The following TRIM66 variants were observed in gnomAD, a reference collection of about 807,000 sequenced individuals.
TRIM66 encodes tripartite motif containing 66.
Under a neutral mutation model 148.2 loss-of-function variants are expected in TRIM66, and 99 were observed. The ratio of observed to expected loss-of-function variants is 0.67; its 90% confidence interval spans 0.57 to 0.79. The LOEUF (loss-of-function observed/expected upper bound fraction) is 0.79, where lower values mean the gene tolerates loss of function less well. TRIM66 is among the 30% of genes least tolerant of loss of function. The probability of loss-of-function intolerance (pLI) is 0.00; values close to 1 mark genes in which losing one functional copy is unlikely to be tolerated. For synonymous variants in TRIM66, 616 were observed against 635.9 expected (o/e 0.97, Z 0.47); for missense variants, 1,666 against 1,697.9 (o/e 0.98, Z 0.33).
intron 7 of TRIM66, among the ~76,000 whole-genome samples, chr11:8,650,602 T>C (rs974317484): frequency 1.3e-5 from 2 of 152,192 alleles, no homozygotes; most frequent in Admixed American, 1.3e-4. Flanking sequence ...GCCAAGGATC[T>C]GATCTCATGC....
rs1217246922 is a variant in TRIM66 at position 8,624,912 on chromosome 11, T to C, written c.2627A>G (p.Asp876Gly). ...SPQAMASLAS[D>G]HPQAGPSLMS... is the part of the protein sequence containing the mutation. The stretch of plus-strand genomic sequence containing the variant: ...TAGGCTGGGCCCAGCCTGAGGGTGA[T>C]CACTTGCCAGGCTTGCCATAGCCTG... The change falls in exon 16 of 25, where the codon GAT becomes GGT. Residue 876 changes from aspartate (D) to glycine (G), a missense_variant. Asp to Gly is a moderately conservative substitution (Grantham distance 94). Coordinates refer to ENST00000646038, the MANE Select transcript of TRIM66 (RefSeq NM_001388022.1). 7.1e-6 allele frequency: 11 copies of C among 1,551,556 alleles called. No homozygotes were observed. The highest frequency in any genetic ancestry group is 9.6e-6 in the Non-Finnish European group (11 of 1,146,914).
At chr11:8,620,964 C>T in intron 20 of TRIM66, 68 bp downstream of exon 20, 2 of 1,502,470 alleles carry the variant, frequency 1.3e-6, no homozygotes, top group African/African-American at 1.4e-5. Flanking sequence ...GTGGGCCTGG[C>T]CTGGAATAAT....
chr11:8,679,344 C>T (rs141394484), intron 3 of TRIM66: 291 of 152,312 alleles, frequency 1.9e-3, no homozygotes, highest in Admixed American at 3.4e-3. Context: ...ACTCCCTCTA[C>T]AACCAGATCA....
intron 6 of TRIM66, among the ~76,000 whole-genome samples, chr11:8,660,276 T>C (rs1229594408): frequency 6.6e-6 from 1 of 152,082 alleles, no homozygotes; most frequent in Admixed American, 6.5e-5. Context: ...CAAAATTAAC[T>C]CCCTCCTGTT....
rs1429907438 is a variant in TRIM66, at chr11:8,614,886, C to T, written c.*3058G>A. On this transcript the variant is annotated 3_prime_UTR_variant, in exon 25 of 25. Transcript: ENST00000646038. ...TTGCTAGAAGTCAGGCAGGGCTAAC[C>T]TAACCATGTTCTGTGGAAGAGTGCT... 6.6e-6 allele frequency: 1 copy of T among 152,204 alleles called. No individual in the cohort carries two copies. Among genetic ancestry groups the T allele is most frequent in the African/African-American group, 2.4e-5 (1 of 41,428 alleles). The allele number at this position is 152,204 out of a possible 1,614,324, so 9.4% of individuals were successfully genotyped here. A position where few individuals can be genotyped will look rare whatever the true frequency, so the allele number is the denominator to read the frequency against.
intron 6 of TRIM66, among the ~76,000 whole-genome samples, chr11:8,652,895 T>C (rs2037485817): frequency 6.6e-6 from 1 of 152,220 alleles, no homozygotes; most frequent in Non-Finnish European, 1.5e-5. Context: ...AAGTCCAAAA[T>C]ACCAGGCCTA....
chr11:8,674,576 C>A (rs1028734289), intron 4 of TRIM66, among the ~76,000 whole-genome samples: 11 of 151,864 alleles, frequency 7.2e-5, no homozygotes, highest in Admixed American at 5.9e-4. Context: ...TTGTAGAGAC[C>A]AGGTCTTGCT....
intron 18 of TRIM66, among the ~76,000 whole-genome samples, chr11:8,622,255 C>G (rs114213339): frequency 6.8e-6 from 1 of 148,020 alleles, no homozygotes; most frequent in East Asian, 2.0e-4. Context: ...CCTGTGATCA[C>G]GTAAATTAAT....
chr11:8,683,090 C>T, upstream of TRIM66: 2 of 1,181,184 alleles, frequency 1.7e-6, no homozygotes, highest in Non-Finnish European at 2.5e-6. Flanking sequence ...CTTTCCCAAA[C>T]GCTCCAGAAG....
rs2036356266 is a variant in TRIM66, at chr11:8,641,168, A to C, written c.1223-16T>G. ...GTTATGCAGCCTGAAAATGCAGAAT[A>C]GAGAGTTTTTCAAAAGTTTTTCAAG... On this transcript the variant is annotated splice_polypyrimidine_tract_variant and intron_variant, in intron 13 of 24. Coordinates refer to ENST00000646038, the MANE Select transcript of TRIM66 (RefSeq NM_001388022.1). 1 of 1,534,068 alleles carries C rather than the reference A, an allele frequency of 6.5e-7. No individual in the cohort carries two copies. Among genetic ancestry groups the C allele is most frequent in the Non-Finnish European group, 8.8e-7 (1 of 1,135,990 alleles).
upstream of TRIM66, chr11:8,683,112 A>C (rs2039520541): frequency 7.4e-7 from 1 of 1,353,066 alleles, no homozygotes; most frequent in South Asian, 1.2e-5. Context: ...TAGGTCTTTG[A>C]CCCACAGGCT....
chr11:8,628,636 A>AAAAAAAAAAAAAAAAGAGAGAGAGAG (rs1555042270), intron 15 of TRIM66, among the ~76,000 whole-genome samples: 1 of 93,398 alleles, frequency 1.1e-5, no homozygotes, highest in African/African-American at 3.5e-5. Context: ...AAAAAAAAAA[A>AAAAAAAAAAAAAAAAGAGAGAGAGAG]AGAGAGAGAA....
rs1592089963 is a variant in TRIM66 at position 8,638,963 on chromosome 11, A to T, written c.2149-148T>A. ...TGCTTAAACGTTTTCCAAAAAGAAA[A>T]ATACTCTTATCCCAACTCTTCCAAA... On this transcript the variant is annotated intron_variant, in intron 14 of 24. Coordinates refer to ENST00000646038, the MANE Select transcript of TRIM66 (RefSeq NM_001388022.1). 5 of 819,030 alleles carry T rather than the reference A, an allele frequency of 6.1e-6. No individual in the cohort carries two copies. In the East Asian group the frequency reaches 1.5e-4, roughly 25 times the overall value. 50.7% of individuals were successfully genotyped at this position (819,030 alleles called of 1,614,324 possible). A position where few individuals can be genotyped will look rare whatever the true frequency, so the allele number is the denominator to read the frequency against.
At chr11:8,670,504 A>C (rs1215421361) in intron 6 of TRIM66, among the ~76,000 whole-genome samples, 1 of 152,236 alleles carries the variant, frequency 6.6e-6, no homozygotes, top group Non-Finnish European at 1.5e-5. Flanking sequence ...CATATTTATA[A>C]ATTTAACTCA....
At chr11:8,673,454 G>C (rs560874224) in intron 4 of TRIM66, among the ~76,000 whole-genome samples, 3 of 152,292 alleles carry the variant, frequency 2.0e-5, no homozygotes, top group South Asian at 2.1e-4. Flanking sequence ...TTAATGAGCT[G>C]AGAGAGGGGC....
intron 15 of TRIM66, among the ~76,000 whole-genome samples, chr11:8,629,404 CTCT>C (rs1651252416): frequency 6.6e-6 from 1 of 152,132 alleles, no homozygotes; most frequent in African/African-American, 2.4e-5. Flanking sequence ...ATATAGATGT[CTCT>C]TCTTAGTGAG....
At chr11:8,666,331 C>T (rs1289436499) in intron 6 of TRIM66, among the ~76,000 whole-genome samples, 5 of 105,858 alleles carry the variant, frequency 4.7e-5, no homozygotes, top group Non-Finnish European at 8.8e-5. Context: ...AAGAGCAAAA[C>T]TCCGCCTCAG....
At chr11:8,649,703 G>A (rs1350081351) in intron 8 of TRIM66, 37 bp downstream of exon 8, 29 of 1,548,296 alleles carry the variant, frequency 1.9e-5, no homozygotes, top group Middle Eastern at 2.0e-4. Context: ...CCCTGCTTTA[G>A]GGCATGGGAG....
chr11:8,672,164 G>A (rs2038968949), intron 5 of TRIM66, 66 bp from the exon 6 acceptor site: 1 of 1,531,058 alleles, frequency 6.5e-7, no homozygotes, highest in South Asian at 1.2e-5. Context: ...TAGGCCAGAG[G>A]GGCCTTCGAG....
Sources: allele counts gnomAD v4.1 joint callset (sites outside exome capture counted in the v4.1 genomes callset), GRCh38; gene constraint gnomAD v4.1.1; transcripts MANE v1.5; gene names NCBI Gene and HGNC (gene_info 2026-07-23, HGNC 2026-07-21).